LRP1B: variants seen among roughly 807,000 people sequenced by gnomAD.
LRP1B encodes the protein low-density lipoprotein receptor-related protein 1B.
LRP1B carries 217 observed loss-of-function variants against 556.6 expected under a neutral mutation model. The ratio of observed to expected loss-of-function variants is 0.39; its 90% CI spans 0.35 to 0.44. The LOEUF is 0.44. Among genes scored for constraint, LRP1B ranks in the 20% least tolerant of loss-of-function variants. The pLI, the probability that LRP1B is intolerant of heterozygous loss-of-function variation, is 1.00. For synonymous variants in LRP1B, 2,047 were observed against 1,865.8 expected (o/e 1.10, Z -2.50); for missense variants, 5,053 against 5,620.8 (o/e 0.90, Z 3.23).
At chr2:142,030,028 C>T (rs1465857705) in intron 1 of LRP1B, among the ~76,000 whole-genome samples, 2 of 21,206 alleles carry the variant, frequency 9.4e-5, no homozygotes, top group Admixed American at 8.6e-4. Flanking sequence ...ATATTGTGTC[C>T]TTTTTAGGAA....
chr2:141,189,952 A>AGGAAGAAAGAAAGAAAC, intron 6 of LRP1B, among the ~76,000 whole-genome samples: 1 of 151,886 alleles, frequency 6.6e-6, no homozygotes, highest in Non-Finnish European at 1.5e-5. Context: ...AAGAAAGAAA[A>AGGAAGAAAGAAAGAAAC]GGAAGAAAAG....
At chr2:141,081,348 A>G (rs1699917514) in intron 7 of LRP1B, among the ~76,000 whole-genome samples, 1 of 152,174 alleles carries the variant, frequency 6.6e-6, no homozygotes, top group African/African-American at 2.4e-5. Flanking sequence ...TTTTTTATTC[A>G]TAAAATTTAA....
chr2:141,324,920 G>A (rs916049850), intron 3 of LRP1B, among the ~76,000 whole-genome samples: 2 of 151,740 alleles, frequency 1.3e-5, no homozygotes, highest in African/African-American at 2.4e-5. Flanking sequence ...TCATATATAC[G>A]GTTCAAAAGT....
intron 47 of LRP1B, among the ~76,000 whole-genome samples, chr2:140,527,491 T>A (rs4589693): frequency 6.6e-6 from 1 of 151,880 alleles, no homozygotes; most frequent in East Asian, 1.9e-4. Context: ...TCATAATGTA[T>A]GGTTCTTATT....
intron 1 of LRP1B, among the ~76,000 whole-genome samples, chr2:141,897,400 T>C (rs570645855): frequency 3.3e-5 from 5 of 152,306 alleles, no homozygotes; most frequent in African/African-American, 1.2e-4. Context: ...AGGGCTGATA[T>C]TGCCTCATCA....
intron 1 of LRP1B, among the ~76,000 whole-genome samples, chr2:141,975,353 A>AGGACACC: frequency 6.6e-6 from 1 of 152,154 alleles, no homozygotes; most frequent in African/African-American, 2.4e-5. Flanking sequence ...TTAGTTGATA[A>AGGACACC]TTCTGAGGGT....
chr2:141,420,156 T>A (rs983357904), intron 3 of LRP1B, among the ~76,000 whole-genome samples: 4 of 152,240 alleles, frequency 2.6e-5, no homozygotes, highest in Non-Finnish European at 5.9e-5. Context: ...CTTTCAGTTA[T>A]GCCATTGTAC....
intron 43 of LRP1B, among the ~76,000 whole-genome samples, chr2:140,551,044 C>A (rs952231735): frequency 6.6e-6 from 1 of 152,052 alleles, no homozygotes; most frequent in Non-Finnish European, 1.5e-5. Flanking sequence ...AGCCAGGAAG[C>A]GGTAAAGCCA....
chr2:141,082,687 G>A (rs915807316), intron 7 of LRP1B, among the ~76,000 whole-genome samples: 6 of 152,156 alleles, frequency 3.9e-5, no homozygotes, highest in African/African-American at 1.4e-4. Context: ...ATCAGGTGTG[G>A]CAGTAAGGGT....
At chr2:140,911,408 T>G (rs2105238195) in intron 21 of LRP1B, among the ~76,000 whole-genome samples, 1 of 151,898 alleles carries the variant, frequency 6.6e-6, no homozygotes, top group South Asian at 2.1e-4. Context: ...TTTATTTTTC[T>G]TCTACCGTAT....
chr2:140,873,440 C>T (rs1289614463), intron 25 of LRP1B, among the ~76,000 whole-genome samples: 2 of 152,028 alleles, frequency 1.3e-5, no homozygotes, highest in Admixed American at 6.6e-5. Flanking sequence ...TGTTTCAAAG[C>T]TAAATTATAA....
chr2:140,527,759 T>C (rs1343870063), intron 47 of LRP1B, among the ~76,000 whole-genome samples: 1 of 151,954 alleles, frequency 6.6e-6, no homozygotes, highest in Admixed American at 6.6e-5. Flanking sequence ...TCAATTTTTT[T>C]CAATAGAAAT....
intron 31 of LRP1B, among the ~76,000 whole-genome samples, chr2:140,835,133 A>G (rs577384882): frequency 1.3e-5 from 2 of 152,318 alleles, no homozygotes; most frequent in Admixed American, 1.3e-4. Context: ...ATGACTACTC[A>G]GAGGGGCGGC....
intron 3 of LRP1B, among the ~76,000 whole-genome samples, chr2:141,343,191 C>T (rs1688131814): frequency 6.6e-6 from 1 of 152,100 alleles, no homozygotes; most frequent in Middle Eastern, 3.2e-3. Flanking sequence ...CCATTATTCC[C>T]ATGTAGTGGA....
At chr2:141,375,540 C>T (rs1271170032) in intron 3 of LRP1B, among the ~76,000 whole-genome samples, 1 of 152,068 alleles carries the variant, frequency 6.6e-6, no homozygotes, top group African/African-American at 2.4e-5. Context: ...GCGGGCTACT[C>T]TCCAGTCCCA....
intron 1 of LRP1B, among the ~76,000 whole-genome samples, chr2:141,885,575 TA>T: frequency 6.6e-6 from 1 of 152,252 alleles, no homozygotes; most frequent in African/African-American, 2.4e-5. Flanking sequence ...GCAGAGAAAG[TA>T]TTGCCAGTAA....
At chr2:140,770,509 T>C (rs1173058179) in intron 34 of LRP1B, among the ~76,000 whole-genome samples, 1 of 151,972 alleles carries the variant, frequency 6.6e-6, no homozygotes, top group Admixed American at 6.6e-5. Context: ...CTTCCTCTAA[T>C]ATAGTCTAAA....
chr2:141,305,793 C>T (rs1194201500), intron 3 of LRP1B, among the ~76,000 whole-genome samples: 1 of 152,064 alleles, frequency 6.6e-6, no homozygotes, highest in Non-Finnish European at 1.5e-5. Context: ...GAGTGTTTAT[C>T]ATGAAGAAAT....
chr2:140,898,740 C>T (rs1694019588), intron 23 of LRP1B: 1 of 563,368 alleles, frequency 1.8e-6, no homozygotes. Flanking sequence ...CTTTGGGCAA[C>T]TCTCTACCCT....
Sources: gnomAD v4.1 joint callset for allele counts (sites outside exome capture counted in the v4.1 genomes callset) on GRCh38, gnomAD v4.1.1 for gene constraint, MANE v1.5 for transcripts, NCBI Gene and HGNC (gene_info 2026-07-23, HGNC 2026-07-21) for gene names.